Variants in SCHIP1 observed in about 807,000 individuals in gnomAD.
SCHIP1 encodes schwannomin-interacting protein 1.
In SCHIP1, 8 loss-of-function variants were observed where a neutral mutation model predicts 29.7. The observed-to-expected ratio is 0.27, with a 90% CI of 0.16 to 0.49. The LOEUF (loss-of-function observed/expected upper bound fraction) is 0.49. Among genes scored for constraint, SCHIP1 ranks in the 20% least tolerant of loss-of-function variants. The pLI, the probability that SCHIP1 is intolerant of heterozygous loss-of-function variation, is 0.99. For missense variants in SCHIP1, 193 were observed against 294.6 expected, an observed-to-expected ratio of 0.66 and a Z score of 2.52; for synonymous variants, 76 against 94.9, an observed-to-expected ratio of 0.80 and a Z score of 1.16.
chr3:159,537,741 T>C, the SCHIP1 span, among the ~76,000 whole-genome samples: 1 of 152,162 alleles, frequency 6.6e-6, no homozygotes, highest in African/African-American at 2.4e-5. Context: ...GATTAACTTT[T>C]ATGGCTACAT....
At chr3:159,573,037 A>G in the SCHIP1 span, among the ~76,000 whole-genome samples, 1 of 151,718 alleles carries the variant, frequency 6.6e-6, no homozygotes, top group East Asian at 1.9e-4. Context: ...CCTGCACACA[A>G]CACACTGATG....
the SCHIP1 span, among the ~76,000 whole-genome samples, chr3:159,534,528 C>T: frequency 6.6e-6 from 1 of 152,118 alleles, no homozygotes; most frequent in Non-Finnish European, 1.5e-5. Context: ...CTGCCATCTT[C>T]AGTATGTGCT....
chr3:159,394,358 A>T, the SCHIP1 span, among the ~76,000 whole-genome samples: 1 of 152,042 alleles, frequency 6.6e-6, no homozygotes, highest in African/African-American at 2.4e-5. Flanking sequence ...TATGTTGAAT[A>T]GGAGTGGTGA....
the SCHIP1 span, chr3:159,273,365 A>G: frequency 1.0e-6 from 1 of 995,708 alleles, no homozygotes; most frequent in South Asian, 4.5e-5. Flanking sequence ...GCCTTGTGGA[A>G]TTCTTAACTC....
the SCHIP1 span, among the ~76,000 whole-genome samples, chr3:159,378,130 A>C: frequency 6.6e-6 from 1 of 152,240 alleles, no homozygotes; most frequent in Non-Finnish European, 1.5e-5. Context: ...AGGCTGAAAA[A>C]AGGCTATCTT....
At chr3:159,498,636 A>G in the SCHIP1 span, among the ~76,000 whole-genome samples, 1 of 152,028 alleles carries the variant, frequency 6.6e-6, no homozygotes, top group Non-Finnish European at 1.5e-5. Flanking sequence ...TCTTCAAAAT[A>G]CCTTTTCCTC....
chr3:159,882,632 G>A (rs575735198), intron 2 of SCHIP1, among the ~76,000 whole-genome samples: 2 of 152,158 alleles, frequency 1.3e-5, no homozygotes, highest in African/African-American at 4.8e-5. Flanking sequence ...AACTGCTCTT[G>A]TCCCTGTATT....
chr3:159,716,485 T>G, the SCHIP1 span, among the ~76,000 whole-genome samples: 1 of 152,192 alleles, frequency 6.6e-6, no homozygotes, highest in African/African-American at 2.4e-5. Context: ...GATCCATCAG[T>G]GTGCTGTATT....
At chr3:159,613,299 T>A in the SCHIP1 span, among the ~76,000 whole-genome samples, 1 of 152,194 alleles carries the variant, frequency 6.6e-6, no homozygotes. Context: ...TGTCTTATGT[T>A]ACTGGCCAGA....
chr3:159,398,125 A>G, the SCHIP1 span, among the ~76,000 whole-genome samples: 27 of 152,142 alleles, frequency 1.8e-4, no homozygotes, highest in Non-Finnish European at 3.5e-4. Context: ...TGACTAGGAA[A>G]GGGAACTCCC....
the SCHIP1 span, among the ~76,000 whole-genome samples, chr3:159,352,811 C>T: frequency 1.3e-5 from 2 of 151,550 alleles, no homozygotes; most frequent in Non-Finnish European, 2.9e-5. Context: ...AAAAATTAGC[C>T]CTCTAAAACC....
chr3:159,371,055 G>A, the SCHIP1 span, among the ~76,000 whole-genome samples: 1 of 47,696 alleles, frequency 2.1e-5, no homozygotes. Flanking sequence ...TTTATTGTCT[G>A]TCTTTCCTGA....
the SCHIP1 span, among the ~76,000 whole-genome samples, chr3:159,690,599 G>C: frequency 6.6e-6 from 1 of 152,050 alleles, no homozygotes; most frequent in Non-Finnish European, 1.5e-5. Flanking sequence ...ATATCCTTCA[G>C]TTCTGCTCTG....
At chr3:159,758,667 G>A in the SCHIP1 span, among the ~76,000 whole-genome samples, 1 of 152,210 alleles carries the variant, frequency 6.6e-6, no homozygotes, top group South Asian at 2.1e-4. Flanking sequence ...CAGAGATTCT[G>A]TGTACTGTTG....
At chr3:159,842,331 C>T (rs889305636) in intron 1 of SCHIP1, among the ~76,000 whole-genome samples, 1 of 152,114 alleles carries the variant, frequency 6.6e-6, no homozygotes, top group Non-Finnish European at 1.5e-5. Context: ...CTGAAAATTG[C>T]ATGCACATTT....
intron 1 of SCHIP1, among the ~76,000 whole-genome samples, chr3:159,844,135 A>AG (rs1711512404): frequency 6.6e-6 from 1 of 152,184 alleles, no homozygotes; most frequent in Admixed American, 6.5e-5. Context: ...TGAGCACATC[A>AG]GGGGTTTGGT....
chr3:159,633,647 T>C, the SCHIP1 span, among the ~76,000 whole-genome samples: 2 of 152,220 alleles, frequency 1.3e-5, no homozygotes, highest in Non-Finnish European at 2.9e-5. Context: ...TGAAATTTTC[T>C]ACCAGACGTA....
the SCHIP1 span, among the ~76,000 whole-genome samples, chr3:159,800,342 C>G: frequency 6.6e-6 from 1 of 152,182 alleles, no homozygotes; most frequent in Non-Finnish European, 1.5e-5. Flanking sequence ...GGGGATATCT[C>G]TTACCAGGAT....
chr3:159,415,009 C>A, the SCHIP1 span, among the ~76,000 whole-genome samples: 1 of 152,038 alleles, frequency 6.6e-6, no homozygotes, highest in Non-Finnish European at 1.5e-5. Context: ...TCGCAGACTG[C>A]CTTAAATGAT....
Sources: gnomAD v4.1 joint callset for allele counts (sites outside exome capture counted in the v4.1 genomes callset) on GRCh38, gnomAD v4.1.1 for gene constraint, MANE v1.5 for transcripts, NCBI Gene and HGNC (gene_info 2026-07-23, HGNC 2026-07-21) for gene names.